ZNF782: variants seen among roughly 807,000 people sequenced by gnomAD.
ZNF782 encodes zinc finger protein 782.
A neutral mutation model predicts 13.0 loss-of-function variants in ZNF782; 12 were observed. The observed-to-expected ratio is 0.92, with a 90% confidence interval of 0.59 to 1.50. The LOEUF (loss-of-function observed/expected upper bound fraction) is 1.50. Among genes scored for constraint, ZNF782 ranks in the 40% most tolerant of loss-of-function variants. ZNF782 has a pLI of 0.00. For synonymous variants in ZNF782, 284 were observed against 283.0 expected (o/e 1.00, Z -0.04); for missense variants, 770 against 822.9 (o/e 0.94, Z 0.79).
At chr9:96,852,099 G>C in intron 2 of ZNF782, 94 bp from the exon 3 acceptor site, 1 of 778,406 alleles carries the variant, frequency 1.3e-6, no homozygotes, top group Non-Finnish European at 2.1e-6. Context: ...TTGGAGAGCA[G>C]CCTTCCTAAG....
chr9:96,826,845 CAT>C (rs1275599712), intron 5 of ZNF782, among the ~76,000 whole-genome samples: 7 of 152,204 alleles, frequency 4.6e-5, no homozygotes, highest in African/African-American at 1.7e-4. Flanking sequence ...CAACATTTTA[CAT>C]ATGTTTTCAA....
At chr9:96,874,951 C>T (rs1174172701) in intron 1 of ZNF782, among the ~76,000 whole-genome samples, 1 of 152,230 alleles carries the variant, frequency 6.6e-6, no homozygotes, top group East Asian at 1.9e-4. Flanking sequence ...TGACCAGACA[C>T]TACCAGAAAG....
upstream of ZNF782, among the ~76,000 whole-genome samples, chr9:96,878,971 T>C (rs1851928640): frequency 6.6e-6 from 1 of 152,072 alleles, no homozygotes; most frequent in Admixed American, 6.5e-5. Flanking sequence ...AGGTTAAACA[T>C]CAAATGGTGC....
chr9:96,877,366 G>A (rs10116146), upstream of ZNF782, among the ~76,000 whole-genome samples: 26,171 of 152,216 alleles, frequency 0.17, 5,458 homozygotes, highest in African/African-American at 0.49. Context: ...GCGCCCAGAC[G>A]TAGAGGCCCT....
At chr9:96,891,561 CT>C in the ZNF782 span, 3,243 of 138,040 alleles carry the variant, frequency 0.023, 55 homozygotes, top group African/African-American at 0.064. Context: ...TCTGTTAAGT[CT>C]TTTTTTTTTT....
chr9:96,907,989 G>T, the ZNF782 span, among the ~76,000 whole-genome samples: 1 of 151,876 alleles, frequency 6.6e-6, no homozygotes, highest in Non-Finnish European at 1.5e-5. Context: ...TCTGGGGGAA[G>T]GGGGTGAGGT....
At chr9:96,888,108 T>A in the ZNF782 span, 1 of 151,108 alleles carries the variant, frequency 6.6e-6, no homozygotes, top group Non-Finnish European at 1.5e-5. Flanking sequence ...ACATGGCACA[T>A]GTATATGTAT....
chr9:96,925,455 T>C, the ZNF782 span, among the ~76,000 whole-genome samples: 2 of 152,030 alleles, frequency 1.3e-5, no homozygotes, highest in African/African-American at 4.8e-5. Flanking sequence ...CTGGCCAATA[T>C]GGTGCAATCC....
the ZNF782 span, among the ~76,000 whole-genome samples, chr9:96,922,433 C>T: frequency 2.0e-5 from 3 of 152,194 alleles, no homozygotes; most frequent in Admixed American, 6.5e-5. Flanking sequence ...CTGTCTTCTA[C>T]TTAGTTGTAG....
the ZNF782 span, chr9:96,893,948 G>A: frequency 1.7e-4 from 23 of 139,184 alleles, 2 homozygotes; most frequent in African/African-American, 6.9e-4. Context: ...TGCAGTGAGC[G>A]GAGATCGCGC....
the ZNF782 span, among the ~76,000 whole-genome samples, chr9:96,917,765 C>G: frequency 2.0e-5 from 3 of 151,552 alleles, no homozygotes; most frequent in East Asian, 5.8e-4. Flanking sequence ...CACTCTTTGC[C>G]CAGAATGCAG....
chr9:96,879,663 C>A (rs1474208984), upstream of ZNF782, among the ~76,000 whole-genome samples: 6 of 152,094 alleles, frequency 3.9e-5, no homozygotes, highest in Non-Finnish European at 1.5e-5. Context: ...GTTACCAGAG[C>A]CTGGCAAAAA....
At position 96,862,764 on chromosome 9, in the gene ZNF782, C is replaced by A. The variant is rs544056353; in HGVS notation, c.-456-1161G>T. ...TTGAAAGTTGAAGAAGCTAGTGTGC[C>A]TTTAATCACTACAGTTTTCGTCACT... is the stretch of plus-strand genomic sequence containing the variant. On this transcript the variant is annotated intron_variant, in intron 1 of 5. Coordinates refer to the ZNF782 transcript ENST00000498811. Among the ~76,000 whole-genome samples the A allele has an allele frequency of 2.6e-5, 4 of 152,308 alleles. No homozygotes were observed. The East Asian group carries it at 7.7e-4, about 29-fold the overall frequency.
At chr9:96,891,530 T>C in the ZNF782 span, 1 of 151,908 alleles carries the variant, frequency 6.6e-6, no homozygotes, top group Non-Finnish European at 1.5e-5. Context: ...TGTTCCCTCA[T>C]GGCCCTTCCC....
At chr9:96,835,343 G>A (rs550134437) in intron 4 of ZNF782, among the ~76,000 whole-genome samples, 3 of 152,226 alleles carry the variant, frequency 2.0e-5, no homozygotes, top group Admixed American at 6.5e-5. Flanking sequence ...AGAGAATGAA[G>A]GAGAATTTTT....
At chr9:96,932,978 CTTTT>C in the ZNF782 span, among the ~76,000 whole-genome samples, 1 of 129,422 alleles carries the variant, frequency 7.7e-6, no homozygotes. Context: ...CTTTTCTTTT[CTTTT>C]TTTTTTTTTT....
chr9:96,891,556 TAAGTC>T, the ZNF782 span: 16 of 150,536 alleles, frequency 1.1e-4, no homozygotes, highest in Non-Finnish European at 2.1e-4. Flanking sequence ...AATGCTCTGT[TAAGTC>T]TTTTTTTTTT....
the ZNF782 span, among the ~76,000 whole-genome samples, chr9:96,905,149 G>A: frequency 8.7e-3 from 1,026 of 117,876 alleles, 21 homozygotes; most frequent in African/African-American, 0.049. Context: ...CCAGGAGGTT[G>A]GGCATTCTGA....
chr9:96,887,211 G>C, the ZNF782 span, among the ~76,000 whole-genome samples: 1 of 151,604 alleles, frequency 6.6e-6, no homozygotes, highest in Non-Finnish European at 1.5e-5. Flanking sequence ...CTACTCGGGA[G>C]GCTGAGGCAG....
Sources: gnomAD v4.1 joint callset for allele counts (sites outside exome capture counted in the v4.1 genomes callset) on GRCh38, gnomAD v4.1.1 for gene constraint, MANE v1.5 for transcripts, NCBI Gene and HGNC (gene_info 2026-07-23, HGNC 2026-07-21) for gene names.